Variants in TNS1 observed in about 807,000 individuals in gnomAD.
TNS1 encodes tensin-1.
A neutral mutation model predicts 168.6 loss-of-function variants in TNS1; 62 were observed. The observed-to-expected ratio is 0.37, with a 90% CI of 0.30 to 0.45. The LOEUF is 0.45. Among genes scored for constraint, TNS1 ranks in the 20% least tolerant of loss-of-function variants. The pLI is 1.00. For synonymous variants in TNS1, 934 were observed against 933.2 expected (o/e 1.00, Z -0.02); for missense variants, 2,240 against 2,339.4 (o/e 0.96, Z 0.88).
intron 3 of TNS1, among the ~76,000 whole-genome samples, chr2:217,946,561 T>C (rs1957109666): frequency 6.6e-6 from 1 of 152,212 alleles, no homozygotes; most frequent in Admixed American, 6.5e-5. Context: ...ACTTTTATTT[T>C]TGAAGCTATA....
chr2:217,809,373 A>G (rs375944736), intron 30 of TNS1, among the ~76,000 whole-genome samples: 96 of 19,670 alleles, frequency 4.9e-3, no homozygotes, highest in African/African-American at 0.014. Flanking sequence ...GGATGGATGG[A>G]TGCATGGATG....
Position 217,906,479 on chromosome 2 carries a change from T to C in TNS1, c.271-94A>G. The C allele has an allele frequency of 5.8e-6, 4 of 689,512 alleles. No individual in the cohort carries two copies. In the African/African-American group the frequency reaches 7.0e-5, roughly 12 times the overall value. The allele number at this position is 689,512 out of a possible 1,614,324, so 42.7% of individuals were successfully genotyped here. A position where few individuals can be genotyped will look rare whatever the true frequency, so the allele number is the denominator to read the frequency against. ...TTGTCAGGAGCGGCAGATGAGGAGG[T>C]TGGCAGAGGGGCCTGGGAAAGAACT... is the stretch of plus-strand genomic sequence containing the variant. On this transcript the variant is annotated intron_variant, in intron 5 of 32. Transcript: ENST00000682258.
At chr2:217,950,764 T>G (rs1000061527) in intron 3 of TNS1, among the ~76,000 whole-genome samples, 2 of 151,356 alleles carry the variant, frequency 1.3e-5, no homozygotes, top group Non-Finnish European at 2.9e-5. Context: ...CCCTCCCTCC[T>G]CTGCTGTCAC....
intron 18 of TNS1, among the ~76,000 whole-genome samples, chr2:217,860,430 G>A (rs1034124467): frequency 1.4e-4 from 21 of 152,136 alleles, no homozygotes; most frequent in African/African-American, 4.8e-5. Flanking sequence ...GGGGTTCTAT[G>A]CCTCAGGCTC....
chr2:217,949,402 C>T (rs946616381), intron 3 of TNS1, among the ~76,000 whole-genome samples: 4 of 152,254 alleles, frequency 2.6e-5, no homozygotes, highest in African/African-American at 9.6e-5. Flanking sequence ...CTGGCATCAG[C>T]CTGGATTCCT....
intron 2 of TNS1, 67 bp downstream of exon 2, chr2:217,990,875 C>T: frequency 2.0e-6 from 1 of 502,318 alleles, no homozygotes. Context: ...CCCAGCCTGG[C>T]CCAGGCCCAG....
At chr2:217,906,478 G>A in intron 5 of TNS1, 93 bp from the exon 6 acceptor site, 1 of 689,988 alleles carries the variant, frequency 1.4e-6, no homozygotes, top group Non-Finnish European at 2.6e-6. Context: ...AGATGAGGAG[G>A]TTGGCAGAGG....
chr2:217,977,020 T>A (rs1410338921), intron 3 of TNS1, among the ~76,000 whole-genome samples: 1 of 152,198 alleles, frequency 6.6e-6, no homozygotes, highest in Non-Finnish European at 1.5e-5. Flanking sequence ...AACAACAGAA[T>A]CTTTTGGCCA....
In TNS1 at chr2:217,818,658, C is replaced by T. The variant is rs1942324033; in HGVS notation, c.3674G>A (p.Gly1225Glu). ...TCTCTGGGCAGACGGGCTGGGCTGT[C>T]CCAGGCTGCCTGAGCGGAAGCCAGA... is the stretch of plus-strand genomic sequence containing the variant. The part of the protein sequence containing the change: ...LESGFRSGSL[G>E]QPSPSAQRNY... The change falls in exon 24 of 33, where the codon GGA becomes GAA. Residue 1225 changes from glycine (G) to glutamate (E), a missense_variant. By Grantham distance (98) the Gly-to-Glu change is moderately conservative. Around this residue, in one of 2 missense-constraint regions of TNS1, gnomAD observed 2,131 missense variants for 2,171.2 expected, o/e 0.98. Coordinates refer to ENST00000682258, the MANE Select transcript of TNS1 (RefSeq NM_001387777.1). 1 of 1,614,070 alleles carries T rather than the reference C, an allele frequency of 6.2e-7. No homozygotes were observed. The highest frequency in any genetic ancestry group is 1.7e-5 in the Admixed American group (1 of 60,010).
intron 1 of TNS1, among the ~76,000 whole-genome samples, chr2:218,028,697 G>T (rs189666491): frequency 9.2e-5 from 14 of 152,346 alleles, no homozygotes; most frequent in Admixed American, 9.1e-4. Flanking sequence ...TAGATTTGCA[G>T]CTTCCTGCTC....
chr2:217,877,157 C>A (rs1950272341), intron 18 of TNS1, among the ~76,000 whole-genome samples: 1 of 151,932 alleles, frequency 6.6e-6, no homozygotes, highest in South Asian at 2.1e-4. Flanking sequence ...GCAGGTGAGC[C>A]CAAAGTCTCC....
At chr2:217,886,197 G>A in intron 13 of TNS1, 93 bp from the exon 14 acceptor site, 2 of 1,345,242 alleles carry the variant, frequency 1.5e-6, no homozygotes, top group Non-Finnish European at 2.1e-6. Context: ...GAGAAAGGAA[G>A]GAAGAAATGG....
At chr2:217,917,828 T>TCA (rs1272829692) in intron 4 of TNS1, among the ~76,000 whole-genome samples, 19 of 62,910 alleles carry the variant, frequency 3.0e-4, no homozygotes, top group African/African-American at 1.2e-3. Flanking sequence ...GAGACTGTTC[T>TCA]CAAAAAAAAA....
intron 3 of TNS1, among the ~76,000 whole-genome samples, chr2:217,931,727 G>A (rs1016717617): frequency 2.0e-5 from 3 of 152,342 alleles, no homozygotes; most frequent in African/African-American, 7.2e-5. Context: ...ATCATCAACT[G>A]AGTAACAGTT....
At chr2:217,894,862 G>C (rs1158855488) in intron 9 of TNS1, 144 bp downstream of exon 9, 1 of 817,394 alleles carries the variant, frequency 1.2e-6, no homozygotes, top group African/African-American at 1.7e-5. Flanking sequence ...ATGATAAGTA[G>C]ATCATTTTCC....
At chr2:217,901,193 C>T (rs537266735) in intron 6 of TNS1, among the ~76,000 whole-genome samples, 3 of 152,246 alleles carry the variant, frequency 2.0e-5, no homozygotes, top group South Asian at 2.1e-4. Flanking sequence ...GATGGCATGG[C>T]GGGTGTGAAA....
intron 3 of TNS1, among the ~76,000 whole-genome samples, chr2:217,976,876 T>G (rs1347842300): frequency 6.6e-6 from 1 of 152,080 alleles, no homozygotes; most frequent in East Asian, 1.9e-4. Flanking sequence ...GATGGAGAAA[T>G]GCATGCCAGT....
chr2:217,820,654 G>A (rs538680755), intron 23 of TNS1, among the ~76,000 whole-genome samples: 88 of 152,210 alleles, frequency 5.8e-4, no homozygotes, highest in African/African-American at 1.7e-3. Context: ...TCCTGGGGGC[G>A]ACACCTCCTA....
At chr2:217,878,311 G>A (rs1286431330) in intron 18 of TNS1, among the ~76,000 whole-genome samples, 3 of 152,164 alleles carry the variant, frequency 2.0e-5, no homozygotes, top group Non-Finnish European at 4.4e-5. Flanking sequence ...TAGGCTTAGT[G>A]GGACCCAGGT....
Sources: allele counts gnomAD v4.1 joint callset (sites outside exome capture counted in the v4.1 genomes callset), GRCh38; gene constraint gnomAD v4.1.1; regional missense constraint gnomAD v4.1.1; transcripts MANE v1.5; gene names NCBI Gene and HGNC (gene_info 2026-07-23, HGNC 2026-07-21).